The following SLC47A1 variants were observed in gnomAD, a reference collection of about 807,000 sequenced individuals.
The protein encoded by SLC47A1 is solute carrier family 47 member 1.
Under a neutral mutation model 65.8 loss-of-function variants are expected in SLC47A1, and 58 were observed. The observed-to-expected ratio is 0.88, with a 90% CI of 0.71 to 1.10. The LOEUF (loss-of-function observed/expected upper bound fraction) is 1.10. SLC47A1 is among the 50% of genes least tolerant of loss of function. The pLI, the probability that SLC47A1 is intolerant of heterozygous loss-of-function variation, is 0.00. For synonymous variants in SLC47A1, 285 were observed against 295.0 expected, an observed-to-expected ratio of 0.97 and a Z score of 0.35; for missense variants, 706 against 719.2, an observed-to-expected ratio of 0.98 and a Z score of 0.21.
intron 6 of SLC47A1, among the ~76,000 whole-genome samples, chr17:19,553,181 G>A (rs1409797930): frequency 6.6e-6 from 1 of 152,022 alleles, no homozygotes; most frequent in African/African-American, 2.4e-5. Flanking sequence ...GAATGCCCTC[G>A]GAGAGGGTGG....
In SLC47A1 at chr17:19,577,389, T is replaced by A; in HGVS notation, c.1549T>A (p.Ser517Thr). The A allele has an allele frequency of 6.2e-7, 1 of 1,614,102 alleles. No homozygotes were observed. The highest frequency in any genetic ancestry group is 8.5e-7 in the Non-Finnish European group (1 of 1,180,006). The change falls in exon 17 of 17, where the codon TCA becomes ACA. Residue 517 changes from serine to threonine, a missense_variant. Coordinates refer to ENST00000270570, the MANE Select transcript of SLC47A1 (RefSeq NM_018242.3). ...NDVGKTGEPQ[S>T]DQQMRQEEPL... is the part of the protein sequence containing the mutation. ...TGTTGGAAAGACAGGCGAGCCTCAG[T>A]CAGATCAGCAGATGCGCCAAGAAGA...
chr17:19,546,557 G>A lies in SLC47A1; in HGVS notation c.306+54G>A, dbSNP rs1027204436. The A allele has an allele frequency of 2.8e-5, 44 of 1,554,690 alleles. No individual in the cohort carries two copies. The South Asian group carries it at 4.5e-4, about 16-fold the overall frequency. On this transcript the variant is annotated intron_variant, in intron 3 of 16. Coordinates refer to ENST00000270570, the MANE Select transcript of SLC47A1 (RefSeq NM_018242.3). ...TGACCTCAAACATCTTTTCTCAAGT[G>A]TAGATGGAAGAGCTCCACTGGCAGG...
At chr17:19,552,473 T>C (rs1916477632) in intron 6 of SLC47A1, among the ~76,000 whole-genome samples, 1 of 152,222 alleles carries the variant, frequency 6.6e-6, no homozygotes, top group Admixed American at 6.5e-5. Context: ...TGTCTCCTTT[T>C]GATCTAGACC....
chr17:19,563,921 G>A (rs1233917473), intron 12 of SLC47A1, among the ~76,000 whole-genome samples: 6 of 152,020 alleles, frequency 3.9e-5, no homozygotes, highest in Admixed American at 1.3e-4. Flanking sequence ...CCCGGGAGGC[G>A]GAGCTTGCAG....
At chr17:19,572,976 A>C in intron 16 of SLC47A1, 115 bp downstream of exon 16, 1 of 829,312 alleles carries the variant, frequency 1.2e-6, no homozygotes, top group South Asian at 1.5e-5. Context: ...TAGGGCAATA[A>C]TGTTTCAGAA....
At chr17:19,549,751 C>T (rs1845877406) in intron 5 of SLC47A1, 74 bp downstream of exon 5, 8 of 1,473,438 alleles carry the variant, frequency 5.4e-6, no homozygotes, top group Non-Finnish European at 7.6e-6. Context: ...TCTGTGAGCT[C>T]AGTGTATTGG....
chr17:19,547,814 C>A (rs1475167643), intron 3 of SLC47A1, among the ~76,000 whole-genome samples, 171 bp from the exon 4 acceptor site: 4 of 151,104 alleles, frequency 2.6e-5, no homozygotes, highest in Non-Finnish European at 4.4e-5. Context: ...CCTCTGCCTC[C>A]CAGGTTCAAG....
chr17:19,549,483 C>G (rs769217172), intron 4 of SLC47A1, 152 bp from the exon 5 acceptor site: 4 of 758,844 alleles, frequency 5.3e-6, no homozygotes, highest in Non-Finnish European at 6.6e-6. Flanking sequence ...CGTGAGCCAC[C>G]GCGCCCGGCC....
chr17:19,543,783 G>A (rs1490343868), intron 2 of SLC47A1, among the ~76,000 whole-genome samples: 2 of 152,132 alleles, frequency 1.3e-5, no homozygotes, highest in East Asian at 1.9e-4. Flanking sequence ...AGTGGCTCTC[G>A]GGCAGGTGTA....
intron 16 of SLC47A1, among the ~76,000 whole-genome samples, chr17:19,573,785 C>A (rs1227435989): frequency 6.6e-6 from 1 of 152,084 alleles, no homozygotes; most frequent in East Asian, 1.9e-4. Flanking sequence ...AGAGGATTTT[C>A]TTTTCCTTCT....
intron 1 of SLC47A1, among the ~76,000 whole-genome samples, chr17:19,538,629 A>G (rs191122486): frequency 6.6e-6 from 1 of 152,208 alleles, no homozygotes; most frequent in African/African-American, 2.4e-5. Flanking sequence ...CAGTGGCCTT[A>G]TGTAACCATC....
At chr17:19,556,526 C>A (rs987641407) in intron 10 of SLC47A1, among the ~76,000 whole-genome samples, 4 of 151,398 alleles carry the variant, frequency 2.6e-5, no homozygotes, top group Non-Finnish European at 4.4e-5. Flanking sequence ...CAAGGTAGAT[C>A]CCCAAAACAA....
chr17:19,556,077 C>T lies in SLC47A1; in HGVS notation c.921+15C>T, dbSNP rs1249941944. On this transcript the variant is annotated intron_variant, in intron 10 of 16. Coordinates refer to ENST00000270570, the MANE Select transcript of SLC47A1 (RefSeq NM_018242.3). ...TTGTGTACATGGTAAGCAGGGGAGCCGATCATGGGGAGGTGCCAGGCGTTT... is the reference window on the plus strand; with the variant it reads ...TTGTGTACATGGTAAGCAGGGGAGCTGATCATGGGGAGGTGCCAGGCGTTT... 2.5e-6 allele frequency: 4 copies of T among 1,613,158 alleles called. No individual in the cohort carries two copies. The highest frequency in any genetic ancestry group is 2.2e-5 in the East Asian group (1 of 44,874).
chr17:19,534,544 G>C (rs1915938289), intron 1 of SLC47A1: 1 of 153,146 alleles, frequency 6.5e-6, no homozygotes, highest in African/African-American at 2.4e-5. Flanking sequence ...TCAAAAGTTC[G>C]GGAGCTCTGC....
intron 2 of SLC47A1, among the ~76,000 whole-genome samples, chr17:19,543,966 T>G (rs966637838): frequency 9.9e-5 from 15 of 152,134 alleles, no homozygotes; most frequent in African/African-American, 3.6e-4. Flanking sequence ...TATTTAATTA[T>G]TTATTTTGAG....
chr17:19,557,316 T>G (rs1389204824), intron 10 of SLC47A1: 1 of 164,824 alleles, frequency 6.1e-6, no homozygotes, highest in Non-Finnish European at 1.3e-5. Context: ...AACATGGATT[T>G]TTTACTTCAC....
chr17:19,546,560 G>A (rs1249964595), intron 3 of SLC47A1, 57 bp downstream of exon 3: 3 of 1,549,052 alleles, frequency 1.9e-6, no homozygotes, highest in Non-Finnish European at 2.7e-6. Flanking sequence ...CTCAAGTGTA[G>A]ATGGAAGAGC....
chr17:19,534,268 C>A, intron 1 of SLC47A1, 194 bp downstream of exon 1: 1 of 650,948 alleles, frequency 1.5e-6, no homozygotes. Context: ...TTCCGCTCCG[C>A]ACCACCCGAC....
At chr17:19,541,853 G>A (rs1207031132) in intron 1 of SLC47A1, among the ~76,000 whole-genome samples, 3 of 152,296 alleles carry the variant, frequency 2.0e-5, no homozygotes, top group East Asian at 1.9e-4. Context: ...CAGGCTGGGC[G>A]CAGTGGCTCA....
Sources: allele counts gnomAD v4.1 joint callset (sites outside exome capture counted in the v4.1 genomes callset), GRCh38; gene constraint gnomAD v4.1.1; transcripts MANE v1.5; gene names NCBI Gene and HGNC (gene_info 2026-07-23, HGNC 2026-07-21).